Variants in SUSD4 observed in about 807,000 individuals in gnomAD.
The protein encoded by SUSD4 is sushi domain containing 4.
A neutral mutation model predicts 50.5 loss-of-function variants in SUSD4; 41 were observed. The ratio of observed to expected loss-of-function variants is 0.81; its 90% CI spans 0.63 to 1.05. The LOEUF is 1.05. SUSD4 is among the 50% of genes least tolerant of loss of function. SUSD4 has a pLI of 0.00. For missense variants in SUSD4, 580 were observed against 634.7 expected (o/e 0.91, Z 0.93); for synonymous variants, 257 against 257.3 (o/e 1.00, Z 0.01).
chr1:223,288,412 G>C (rs779836741), intron 3 of SUSD4, among the ~76,000 whole-genome samples: 20 of 152,170 alleles, frequency 1.3e-4, no homozygotes, highest in Non-Finnish European at 1.2e-4. Context: ...CCTCGTCTCA[G>C]ATAGTATATT....
At chr1:223,350,861 T>C (rs1395582481) in intron 2 of SUSD4, among the ~76,000 whole-genome samples, 3 of 152,142 alleles carry the variant, frequency 2.0e-5, no homozygotes, top group African/African-American at 7.2e-5. Context: ...ATTTGTAACT[T>C]GGTAGACAAA....
At chr1:223,352,628 C>T (rs1031041078) in intron 2 of SUSD4, among the ~76,000 whole-genome samples, 2 of 152,114 alleles carry the variant, frequency 1.3e-5, no homozygotes, top group African/African-American at 4.8e-5. Flanking sequence ...TCCAGGCATT[C>T]CTGCAAAGGA....
intron 2 of SUSD4, among the ~76,000 whole-genome samples, chr1:223,328,361 C>G (rs1666992850): frequency 1.3e-5 from 2 of 152,178 alleles, no homozygotes; most frequent in Admixed American, 6.5e-5. Context: ...GGTGGCAGAG[C>G]CAGGACTAAG....
chr1:223,221,830 A>AG lies in SUSD4; in HGVS notation c.*361dup, dbSNP rs1659151390. 4.7e-6 allele frequency: 1 copy of AG among 210,564 alleles called. No individual in the cohort carries two copies. The highest frequency in any genetic ancestry group is 9.3e-6 in the Non-Finnish European group (1 of 106,960). The allele number at this position is 210,564 out of a possible 1,614,324, so 13.0% of individuals were successfully genotyped here. A position where few individuals can be genotyped will look rare whatever the true frequency, so the allele number is the denominator to read the frequency against. The stretch of plus-strand genomic sequence containing the variant: ...TTTACATGATGTGACATGCTTTCAG[A>AG]GGGGGCGGGGAGTACTTGCCAGTCA... On this transcript the variant is annotated 3_prime_UTR_variant, in exon 9 of 9. Coordinates refer to ENST00000366878, the MANE Select transcript of SUSD4 (RefSeq NM_017982.4).
At chr1:223,362,628 A>G (rs1344205785) in intron 2 of SUSD4, among the ~76,000 whole-genome samples, 4 of 152,220 alleles carry the variant, frequency 2.6e-5, no homozygotes, top group African/African-American at 9.6e-5. Flanking sequence ...TAGAAGAGCA[A>G]CTGACTTTAT....
At chr1:223,278,844 G>A (rs1359655247) in intron 3 of SUSD4, among the ~76,000 whole-genome samples, 5 of 152,152 alleles carry the variant, frequency 3.3e-5, no homozygotes, top group African/African-American at 7.2e-5. Context: ...CACCTCACAC[G>A]GCTGGGTACC....
chr1:223,323,044 T>A (rs1666671616), intron 2 of SUSD4, among the ~76,000 whole-genome samples: 1 of 152,048 alleles, frequency 6.6e-6, no homozygotes, highest in Non-Finnish European at 1.5e-5. Flanking sequence ...CCTTCCAGTT[T>A]CGCCTTTAGG....
rs761430341 is a variant in SUSD4, at chr1:223,227,375, G to A, written c.1061+219C>T. On this transcript the variant is annotated intron_variant, in intron 7 of 8. Coordinates refer to ENST00000366878, the MANE Select transcript of SUSD4 (RefSeq NM_017982.4). The surrounding 1 kb of genome is among the most constrained non-coding windows in gnomAD (Gnocchi z 4.5). The stretch of plus-strand genomic sequence containing the variant: ...CCCCCATGATGCCCACCTGCAAATG[G>A]TCTACTGCAGGAAGGAGGGAGAGAG... Among the ~76,000 whole-genome samples, 5 of 152,146 alleles carry A rather than the reference G, an allele frequency of 3.3e-5. No homozygotes were observed. The highest frequency in any genetic ancestry group is 4.8e-5 in the African/African-American group (2 of 41,420).
At chr1:223,353,078 T>C (rs528212319) in intron 2 of SUSD4, among the ~76,000 whole-genome samples, 1 of 152,324 alleles carries the variant, frequency 6.6e-6, no homozygotes, top group East Asian at 1.9e-4. Flanking sequence ...GGCCAACAGC[T>C]ATTGAGAAGT....
At chr1:223,290,576 GGTT>G (rs1664425508) in intron 3 of SUSD4, among the ~76,000 whole-genome samples, 1 of 152,148 alleles carries the variant, frequency 6.6e-6, no homozygotes, top group South Asian at 2.1e-4. Context: ...TCTTATTTGA[GGTT>G]GCCTAATAAA....
chr1:223,280,301 A>G (rs1050093107), intron 3 of SUSD4, among the ~76,000 whole-genome samples: 2 of 152,226 alleles, frequency 1.3e-5, no homozygotes, highest in Admixed American at 1.3e-4. Flanking sequence ...CAAATTGGAT[A>G]AAGAGTCAAG....
At chr1:223,252,252 T>C (rs1324450612) in intron 5 of SUSD4, among the ~76,000 whole-genome samples, 2 of 144,684 alleles carry the variant, frequency 1.4e-5, no homozygotes, top group African/African-American at 2.6e-5. Context: ...TATATATATA[T>C]ATAAAAGAAG....
rs1487354865 is a variant in SUSD4, at chr1:223,223,537, C to T, written c.1156G>A (p.Gly386Ser). ...LPSYDEAVSG[G>S]LSALGPGYMA... ...TACCCGGGGCCTAAGGCACTCAAGC[C>T]GCCACTCACAGCTTCGTCATAGGAC... The change falls in exon 8 of 9, where the codon GGC (glycine) becomes AGC (serine). Residue 386 changes from glycine to serine, a missense_variant. By Grantham distance (56) the Gly-to-Ser change is moderately conservative (BLOSUM62 0). Coordinates refer to ENST00000366878, the MANE Select transcript of SUSD4 (RefSeq NM_017982.4). The T allele has an allele frequency of 8.1e-6, 13 of 1,613,040 alleles. No homozygotes were observed. Among genetic ancestry groups the T allele is most frequent in the East Asian group, 2.2e-5 (1 of 44,858 alleles).
chr1:223,306,471 G>A (rs1518044), intron 2 of SUSD4, among the ~76,000 whole-genome samples: 116,249 of 152,156 alleles, frequency 0.76, 44,583 homozygotes, highest in Non-Finnish European at 0.81. Context: ...ATCAATTGTC[G>A]AAACATTTGA....
chr1:223,350,533 C>T (rs910356927), intron 2 of SUSD4, among the ~76,000 whole-genome samples: 3 of 152,184 alleles, frequency 2.0e-5, no homozygotes, highest in Admixed American at 1.3e-4. Context: ...TCCTCCCTGC[C>T]CATCACTGCA....
intron 3 of SUSD4, among the ~76,000 whole-genome samples, chr1:223,269,746 G>T (rs1472503605): frequency 1.3e-5 from 2 of 152,138 alleles, no homozygotes; most frequent in African/African-American, 2.4e-5. Context: ...GTGAATCATA[G>T]AAATTTCCTC....
intron 2 of SUSD4, among the ~76,000 whole-genome samples, chr1:223,336,882 C>T (rs79699688): frequency 0.02 from 3,075 of 152,226 alleles, 105 homozygotes; most frequent in African/African-American, 0.07. Flanking sequence ...ATGCCATACT[C>T]ATGACTCCAG....
Position 223,319,256 on chromosome 1 carries a change from T to C in SUSD4, c.149-26605A>G, listed in dbSNP as rs1028579278. 1.4e-4 allele frequency among the ~76,000 whole-genome samples: 17 copies of C among 125,548 alleles called. No homozygotes were observed. In the Admixed American group the frequency reaches 1.4e-3, roughly 10 times the overall value. 82.4% of individuals were successfully genotyped at this position (125,548 alleles called of 152,430 possible). On this transcript the variant is annotated intron_variant, in intron 2 of 8. Coordinates refer to ENST00000366878, the MANE Select transcript of SUSD4 (RefSeq NM_017982.4). ...GACATAGGCGTGGGCAAGGACTTCA[T>C]GTCCAAAACACCAAAAGCAATGGCA...
At chr1:223,312,668 G>T (rs1012206144) in intron 2 of SUSD4, among the ~76,000 whole-genome samples, 1 of 152,196 alleles carries the variant, frequency 6.6e-6, no homozygotes, top group Non-Finnish European at 1.5e-5. Flanking sequence ...TGGATACCTG[G>T]ATTGTTAAAC....
Sources: gnomAD v4.1 joint callset for allele counts (sites outside exome capture counted in the v4.1 genomes callset) on GRCh38, gnomAD v4.1.1 for gene constraint, Gnocchi (gnomAD v3.1) non-coding constraint, MANE v1.5 for transcripts, NCBI Gene and HGNC (gene_info 2026-07-23, HGNC 2026-07-21) for gene names.